Variants in SNX3 observed in about 807,000 individuals in gnomAD.
SNX3 encodes the protein sorting nexin-3.
In SNX3, 5 loss-of-function variants were observed where a neutral mutation model predicts 17.7. The observed-to-expected ratio is 0.28, with a 90% CI of 0.15 to 0.59. SNX3 has a LOEUF of 0.59. Ranked by LOEUF, SNX3 falls within the 20% of genes least tolerant of loss-of-function variation. SNX3 has a pLI of 0.88. For missense variants in SNX3, 132 were observed against 206.8 expected (o/e 0.64, Z 2.22); for synonymous variants, 91 against 76.5 (o/e 1.19, Z -0.99).
In SNX3 at chr6:108,229,677, T is replaced by C. The variant is rs1031916357; in HGVS notation, c.163-6632A>G. Among the ~76,000 whole-genome samples the C allele has an allele frequency of 3.3e-5, 5 of 152,346 alleles. No homozygotes were observed. In the South Asian group the frequency reaches 1.0e-3, roughly 32 times the overall value. ...AGTGCAATGGCCTCAGCCAGGACTC[T>C]TTTAACACAGAGCTAGCCATACTAT... On this transcript the variant is annotated intron_variant, in intron 1 of 3. Transcript: ENST00000230085.
chr6:108,230,573 AT>A lies in SNX3; in HGVS notation c.163-7529del, dbSNP rs149902434. 3.2e-3 allele frequency among the ~76,000 whole-genome samples: 490 copies of A among 152,340 alleles called. 4 individuals carry two copies. The highest frequency in any genetic ancestry group is 0.011 in the African/African-American group (474 of 41,586). On this transcript the variant is annotated intron_variant, in intron 1 of 3. Coordinates refer to ENST00000230085, the MANE Select transcript of SNX3 (RefSeq NM_003795.6). ...ACAGCCTTCATCTATTTGTATAGGT[AT>A]ATACTAGTAAATGCTGAAGATTCTG...
At chr6:108,254,543 G>A (rs570735439) in intron 1 of SNX3, among the ~76,000 whole-genome samples, 1 of 152,234 alleles carries the variant, frequency 6.6e-6, no homozygotes, top group East Asian at 1.9e-4. Flanking sequence ...CTGTGACCCT[G>A]GGGAAGTTAA....
intron 1 of SNX3, among the ~76,000 whole-genome samples, chr6:108,257,053 A>G (rs1242234032): frequency 6.6e-6 from 1 of 152,212 alleles, no homozygotes. Flanking sequence ...AGTAATTTCA[A>G]TCAGATCCTG....
At chr6:108,215,586 A>G (rs1194009573) in intron 2 of SNX3, among the ~76,000 whole-genome samples, 1 of 152,152 alleles carries the variant, frequency 6.6e-6, no homozygotes, top group Non-Finnish European at 1.5e-5. Context: ...TTTCCCCTTC[A>G]AAGCCTAACC....
intron 3 of SNX3, among the ~76,000 whole-genome samples, chr6:108,213,990 T>C (rs1229203660): frequency 3.3e-5 from 5 of 152,180 alleles, no homozygotes; most frequent in Admixed American, 2.6e-4. Context: ...GCTAAAAATA[T>C]TGGTTTGAGC....
At chr6:108,221,205 C>A (rs577982826) in intron 2 of SNX3, among the ~76,000 whole-genome samples, 3 of 151,974 alleles carry the variant, frequency 2.0e-5, no homozygotes, top group Non-Finnish European at 4.4e-5. Flanking sequence ...TAGAGTGAGG[C>A]CTTCCCTTGT....
At chr6:108,217,086 G>T (rs890564665) in intron 2 of SNX3, among the ~76,000 whole-genome samples, 2 of 152,046 alleles carry the variant, frequency 1.3e-5, no homozygotes, top group African/African-American at 4.8e-5. Context: ...TTTAAAAAAA[G>T]AATTCTGGAA....
At chr6:108,222,453 C>T in intron 2 of SNX3, 2 of 759,944 alleles carry the variant, frequency 2.6e-6, no homozygotes, top group Middle Eastern at 3.0e-4. Context: ...ATTAGTGGAT[C>T]ATGGCCATCA....
At chr6:108,216,659 A>C (rs1774589054) in intron 2 of SNX3, among the ~76,000 whole-genome samples, 1 of 152,204 alleles carries the variant, frequency 6.6e-6, no homozygotes, top group South Asian at 2.1e-4. Flanking sequence ...CCAATAATAC[A>C]AATTACACAT....
intron 2 of SNX3, among the ~76,000 whole-genome samples, chr6:108,221,913 G>T (rs907757955): frequency 1.3e-5 from 2 of 151,962 alleles, no homozygotes; most frequent in Non-Finnish European, 2.9e-5. Context: ...TGTATTTCTA[G>T]TTTTATTCAT....
At position 108,211,947 on chromosome 6, in the gene SNX3, T is replaced by C. The variant is rs1178275634; in HGVS notation, c.*202A>G. On this transcript the variant is annotated 3_prime_UTR_variant, in exon 4 of 4. Transcript: ENST00000230085. ...AAACAGCAAGAAAGAGCTATTTATA[T>C]AGAAAGGCTGGAATGAGGGATTTTT... The C allele has an allele frequency of 3.2e-5, 15 of 475,802 alleles. No homozygotes were observed. Among genetic ancestry groups the C allele is most frequent in the South Asian group, 1.5e-4 (6 of 40,644 alleles). The allele number at this position is 475,802 out of a possible 1,614,324, so 29.5% of individuals were successfully genotyped here.
intron 1 of SNX3, among the ~76,000 whole-genome samples, chr6:108,234,667 T>C (rs1775271647): frequency 6.6e-6 from 1 of 152,194 alleles, no homozygotes; most frequent in Non-Finnish European, 1.5e-5. Context: ...GATACTCCAT[T>C]TCAGTATATA....
intron 1 of SNX3, among the ~76,000 whole-genome samples, chr6:108,235,051 T>G (rs557136033): frequency 6.6e-6 from 1 of 152,226 alleles, no homozygotes; most frequent in Non-Finnish European, 1.5e-5. Context: ...ACTGCAGTAG[T>G]AGTAGCTACT....
At chr6:108,219,138 C>T (rs561818336) in intron 2 of SNX3, among the ~76,000 whole-genome samples, 2 of 150,106 alleles carry the variant, frequency 1.3e-5, no homozygotes, top group Non-Finnish European at 3.0e-5. Flanking sequence ...GATCACAAGG[C>T]CAGGAGATCG....
intron 1 of SNX3, among the ~76,000 whole-genome samples, chr6:108,248,622 G>A (rs969857956): frequency 6.6e-6 from 1 of 152,100 alleles, no homozygotes; most frequent in African/African-American, 2.4e-5. Flanking sequence ...AAACAAAAAC[G>A]CTCTAAAACT....
At chr6:108,240,281 C>T (rs887219253) in intron 1 of SNX3, among the ~76,000 whole-genome samples, 1 of 152,122 alleles carries the variant, frequency 6.6e-6, no homozygotes, top group Non-Finnish European at 1.5e-5. Flanking sequence ...TGCAGTGGTG[C>T]GACCTCGGCT....
chr6:108,260,948 G>T lies in SNX3; in HGVS notation c.-27C>A. ...TCGCTGTAGCTGCTGCCGCCGCCGC[G>T]GGCTCCCTCCGCCCCCTCCGCGTTC... On this transcript the variant is annotated 5_prime_UTR_variant, in exon 1 of 4. Transcript: ENST00000230085. The T allele has an allele frequency of 6.5e-7, 1 of 1,540,148 alleles. No homozygotes were observed.
At chr6:108,229,553 G>A (rs911894651) in intron 1 of SNX3, among the ~76,000 whole-genome samples, 5 of 151,876 alleles carry the variant, frequency 3.3e-5, no homozygotes, top group African/African-American at 4.8e-5. Flanking sequence ...AATATGAGGT[G>A]TGAGCCACTG....
At chr6:108,253,469 G>T (rs141324601) in intron 1 of SNX3, among the ~76,000 whole-genome samples, 129 of 147,716 alleles carry the variant, frequency 8.7e-4, no homozygotes, top group Non-Finnish European at 1.3e-3. Context: ...GATGATGCAA[G>T]ACAAGGGCAA....
Sources: allele counts gnomAD v4.1 joint callset (sites outside exome capture counted in the v4.1 genomes callset), GRCh38; gene constraint gnomAD v4.1.1; transcripts MANE v1.5; gene names NCBI Gene and HGNC (gene_info 2026-07-23, HGNC 2026-07-21).